PLEKHM2: variants seen among roughly 807,000 people sequenced by gnomAD.
The protein encoded by PLEKHM2 is pleckstrin homology and RUN domain containing M2, also known as pleckstrin homology domain-containing family M member 2.
Under a neutral mutation model 116.3 loss-of-function variants are expected in PLEKHM2, and 77 were observed. That is an observed-to-expected ratio of 0.66 (90% CI 0.55 to 0.80). The LOEUF (loss-of-function observed/expected upper bound fraction) is 0.80, where lower values mean the gene tolerates loss of function less well. Among genes scored for constraint, PLEKHM2 ranks in the 30% least tolerant of loss-of-function variants. The pLI is 0.00. For synonymous variants in PLEKHM2, 562 were observed against 571.0 expected (o/e 0.98, Z 0.22); for missense variants, 1,183 against 1,354.9 (o/e 0.87, Z 1.99).
At chr1:15,730,857 G>A in intron 15 of PLEKHM2, 135 bp downstream of exon 15, 2 of 725,734 alleles carry the variant, frequency 2.8e-6, no homozygotes, top group Non-Finnish European at 4.6e-6. Context: ...TTCCCTACCA[G>A]AGCTTGGAGT....
chr1:15,728,056 C>T lies in PLEKHM2; in HGVS notation c.1761-23C>T. ...TCACCGCTGCCTGCCTGACATCTCGCCCTCCTGACTTGGCCCTCACAGAGT... is the reference window on the plus strand; with the variant it reads ...TCACCGCTGCCTGCCTGACATCTCGTCCTCCTGACTTGGCCCTCACAGAGT... On this transcript the variant is annotated intron_variant, in intron 9 of 19. Coordinates refer to ENST00000375799, the MANE Select transcript of PLEKHM2 (RefSeq NM_015164.4). This position sits in a 1 kb window ranked among gnomAD's most constrained non-coding sequence, Gnocchi z 5.9. The T allele has an allele frequency of 6.3e-7, 1 of 1,591,862 alleles. No homozygotes were observed. Among genetic ancestry groups the T allele is most frequent in the East Asian group, 2.2e-5 (1 of 44,460 alleles).
Position 15,727,525 on chromosome 1 carries a change from G to T in PLEKHM2, c.1453G>T (p.Ala485Ser). 1.3e-6 allele frequency: 2 copies of T among 1,577,874 alleles called. No individual in the cohort carries two copies. Among genetic ancestry groups the T allele is most frequent in the Non-Finnish European group, 1.7e-6 (2 of 1,162,602 alleles). ...VTSGGGHHDPAGLGQPLHVPS... is the reference protein window; with the variant it reads ...VTSGGGHHDPSGLGQPLHVPS... ...ATCAGGTGGCGGCCACCATGACCCT[G>T]CAGGGCTTGGCCAACCGCTGCATGT... Residue 485 changes from alanine to serine, a missense_variant, in exon 9 of 20, where the codon GCA becomes TCA. Around this residue, in one of 3 missense-constraint regions of PLEKHM2, gnomAD observed 594 missense variants for 720.1 expected, o/e 0.82. Coordinates refer to ENST00000375799, the MANE Select transcript of PLEKHM2 (RefSeq NM_015164.4). This position sits in a 1 kb window ranked among gnomAD's most constrained non-coding sequence, Gnocchi z 7.5.
At position 15,719,844 on chromosome 1, in the gene PLEKHM2, G is replaced by C; in HGVS notation, c.576G>C (p.Leu192=). ...LPSSVHGSDS[L]SLNSFNSVTS... The stretch of plus-strand genomic sequence containing the variant: ...GCTCGGTCCACGGCTCAGACAGTCT[G>C]TCCCTCAACTCTTTCAACTCCGTCA... The change falls in exon 6 of 20, where the codon CTG becomes CTC. Residue 192 remains leucine, a synonymous_variant. Transcript: ENST00000375799. The surrounding 1 kb of genome is among the most constrained non-coding windows in gnomAD (Gnocchi z 4.1). The C allele has an allele frequency of 1.2e-6, 2 of 1,613,850 alleles. No homozygotes were observed. Among genetic ancestry groups the C allele is most frequent in the Non-Finnish European group, 8.5e-7 (1 of 1,179,822 alleles).
In PLEKHM2 at chr1:15,731,246, G is replaced by A. The variant is rs753199818; in HGVS notation, c.2454G>A (p.Ser818=). 4.3e-5 allele frequency: 68 copies of A among 1,589,168 alleles called. 1 individual carries two copies. Among genetic ancestry groups the A allele is most frequent in the African/African-American group, 6.7e-5 (5 of 74,420 alleles). Residue 818 remains serine (S), a synonymous_variant, in exon 16 of 20, where the codon TCG becomes TCA. Coordinates refer to ENST00000375799, the MANE Select transcript of PLEKHM2 (RefSeq NM_015164.4). ...PDRTDVIPLL[S]VNMGGEQCGG... is the part of the protein sequence containing the mutation. ...GCACCGACGTCATCCCTCTGCTCTCGGTGAACATGGGGTAAGTGTCCCGGG... is the reference window on the plus strand; with the variant it reads ...GCACCGACGTCATCCCTCTGCTCTCAGTGAACATGGGGTAAGTGTCCCGGG...
In PLEKHM2 at chr1:15,684,339, T is replaced by G. The variant is rs1369776087; in HGVS notation, c.-220T>G. On this transcript the variant is annotated 5_prime_UTR_variant, in exon 1 of 20. Transcript: ENST00000375799. Reference sequence around the variant, plus strand: ...CGCGGCGCACAGCCCGCGGCCTCCTTCCCCGCCGGCCGCGCTCCGGAGCCT... The same window carrying G: ...CGCGGCGCACAGCCCGCGGCCTCCTGCCCCGCCGGCCGCGCTCCGGAGCCT... 1.4e-4 allele frequency: 22 copies of G among 153,080 alleles called. No individual in the cohort carries two copies. The highest frequency in any genetic ancestry group is 3.2e-3 in the Middle Eastern group (1 of 308). 9.5% of individuals were successfully genotyped at this position (153,080 alleles called of 1,614,324 possible). A position where few individuals can be genotyped will look rare whatever the true frequency, so the allele number is the denominator to read the frequency against.
At chr1:15,718,021 T>C (rs753481809) in intron 4 of PLEKHM2, 29 bp downstream of exon 4, 1 of 1,409,484 alleles carries the variant, frequency 7.1e-7, no homozygotes, top group African/African-American at 1.4e-5. Flanking sequence ...CTGTCTCCCC[T>C]AGCCTCAGAG....
At chr1:15,725,866 C>T in intron 8 of PLEKHM2, 1 of 377,472 alleles carries the variant, frequency 2.6e-6, no homozygotes, top group South Asian at 3.3e-5. Flanking sequence ...AGATGTCCCT[C>T]TTCTCGCTGT....
chr1:15,692,498 A>C (rs1194957903), intron 1 of PLEKHM2, among the ~76,000 whole-genome samples: 1 of 152,228 alleles, frequency 6.6e-6, no homozygotes, highest in African/African-American at 2.4e-5. Context: ...CATGTCGTGC[A>C]CAGAGGGATC....
chr1:15,729,977 C>T lies in PLEKHM2; in HGVS notation c.2208+48C>T, dbSNP rs2068116981. 6.4e-7 allele frequency: 1 copy of T among 1,560,878 alleles called. No individual in the cohort carries two copies. Among genetic ancestry groups the T allele is most frequent in the African/African-American group, 1.4e-5 (1 of 72,960 alleles). On this transcript the variant is annotated intron_variant, in intron 14 of 19. Transcript: ENST00000375799. This position sits in a 1 kb window ranked among gnomAD's most constrained non-coding sequence, Gnocchi z 4.7. Reference sequence around the variant, plus strand: ...GAGTGCAGCCCCTGAGATGGCAGAGCAGCAGCCGCCTTGGCGTGAGCGTTA... The same window carrying T: ...GAGTGCAGCCCCTGAGATGGCAGAGTAGCAGCCGCCTTGGCGTGAGCGTTA...
rs748955748 is a variant in PLEKHM2 at position 15,732,493 on chromosome 1, C to T, written c.2769C>T (p.Ala923=). The T allele has an allele frequency of 1.9e-5, 30 of 1,608,080 alleles. No homozygotes were observed. Among genetic ancestry groups the T allele is most frequent in the Non-Finnish European group, 2.4e-5 (28 of 1,177,608 alleles). ...LGTAKLGDIS[A]VSTEPGKEYC... ...CAGCCAAGCTGGGCGACATCAGCGC[C>T]GTCTCCACCGAGCCGGGCAAGGAGT... Residue 923 remains alanine (A), a synonymous_variant, in exon 18 of 20, where the codon GCC becomes GCT. Transcript: ENST00000375799.
In PLEKHM2 at chr1:15,727,018, A is replaced by T. The variant is rs1216852465; in HGVS notation, c.946A>T (p.Thr316Ser). The T allele has an allele frequency of 4.1e-6, 6 of 1,470,850 alleles. 1 individual carries two copies. The Admixed American group carries it at 7.9e-5, about 19-fold the overall frequency. The allele number at this position is 1,470,850 out of a possible 1,614,324, so 91.1% of individuals were successfully genotyped here. The change falls in exon 9 of 20, where the codon ACC becomes TCC. Residue 316 changes from threonine to serine, a missense_variant. Physicochemically the swap from Thr to Ser is moderately conservative, Grantham distance 58. Coordinates refer to ENST00000375799, the MANE Select transcript of PLEKHM2 (RefSeq NM_015164.4). The surrounding 1 kb of genome is among the most constrained non-coding windows in gnomAD (Gnocchi z 7.5). Reference sequence around the variant, plus strand: ...TCCCCGTCGTTACTGTCCCAGGGTCACCAAGAAGAAGAAAATTGGCAAGAA... The same window carrying T: ...TCCCCGTCGTTACTGTCCCAGGGTCTCCAAGAAGAAGAAAATTGGCAAGAA... ...ACTELEVIRVTKKKKIGKKKK... is the reference protein window; with the variant it reads ...ACTELEVIRVSKKKKIGKKKK...
At chr1:15,711,603 C>T (rs59736788) in intron 1 of PLEKHM2, among the ~76,000 whole-genome samples, 29,829 of 147,406 alleles carry the variant, frequency 0.2, 3,149 homozygotes, top group Middle Eastern at 0.27. Context: ...GGCAACAGAG[C>T]GAGGCTCCAT....
At chr1:15,706,818 C>T (rs1641236212) in intron 1 of PLEKHM2, among the ~76,000 whole-genome samples, 1 of 152,128 alleles carries the variant, frequency 6.6e-6, no homozygotes, top group South Asian at 2.1e-4. Context: ...TATACATTTG[C>T]ACTAATTTAT....
chr1:15,687,405 A>C (rs1360833470), intron 1 of PLEKHM2, among the ~76,000 whole-genome samples: 1 of 151,362 alleles, frequency 6.6e-6, no homozygotes, highest in Non-Finnish European at 1.5e-5. Context: ...CGATCTCCTG[A>C]CCTCATGATC....
In PLEKHM2 at chr1:15,727,429, G is replaced by A. The variant is rs576329050; in HGVS notation, c.1357G>A (p.Asp453Asn). Residue 453 changes from aspartate to asparagine, a missense_variant, in exon 9 of 20, where the codon GAC (aspartate) becomes AAC (asparagine). Around this residue, in one of 3 missense-constraint regions of PLEKHM2, gnomAD observed 372 missense variants for 357.2 expected, o/e 1.04. Transcript: ENST00000375799. This position sits in a 1 kb window ranked among gnomAD's most constrained non-coding sequence, Gnocchi z 7.5. ...TGCCCCGGAGAGGCCGCCGCTTTGCGACTTTAGTGAGGGGCTTTCAGCCCC... is the reference window on the plus strand; with the variant it reads ...TGCCCCGGAGAGGCCGCCGCTTTGCAACTTTAGTGAGGGGCTTTCAGCCCC... ...GDAPERPPLC[D>N]FSEGLSAPMD... 1.4e-4 allele frequency: 222 copies of A among 1,606,334 alleles called. No homozygotes were observed. In the Admixed American group the frequency reaches 2.6e-3, roughly 19 times the overall value.
At chr1:15,699,777 T>C (rs778145373) in intron 1 of PLEKHM2, among the ~76,000 whole-genome samples, 6 of 151,776 alleles carry the variant, frequency 4.0e-5, no homozygotes, top group Non-Finnish European at 8.8e-5. Flanking sequence ...CTGGGCAATA[T>C]AGTGAGACTC....
At chr1:15,682,633 CAAAACAAAACAAAA>C (rs1222994028), upstream of PLEKHM2, among the ~76,000 whole-genome samples, 3 of 124,338 alleles carry the variant, frequency 2.4e-5, no homozygotes, top group Admixed American at 7.6e-5. Flanking sequence ...ACAAACAAAA[CAAAACAAAACAAAA>C]AAAACAAAAA....
intron 4 of PLEKHM2, 143 bp from the exon 5 acceptor site, chr1:15,718,395 G>A: frequency 1.6e-6 from 1 of 643,348 alleles, no homozygotes; most frequent in Non-Finnish European, 2.8e-6. Flanking sequence ...AGAGGGTGGT[G>A]GGCAACAGCT....
chr1:15,717,102 T>C (rs1253917800), intron 3 of PLEKHM2, among the ~76,000 whole-genome samples: 1 of 152,018 alleles, frequency 6.6e-6, no homozygotes, highest in Non-Finnish European at 1.5e-5. Flanking sequence ...AATTTAAATA[T>C]TACATGGATG....
Sources: gnomAD v4.1 joint callset for allele counts (sites outside exome capture counted in the v4.1 genomes callset) on GRCh38, gnomAD v4.1.1 for gene constraint, gnomAD v4.1.1 regional missense constraint, Gnocchi (gnomAD v3.1) non-coding constraint, MANE v1.5 for transcripts, NCBI Gene and HGNC (gene_info 2026-07-23, HGNC 2026-07-21) for gene names.